Variants in BAZ2B observed in about 807,000 individuals in gnomAD.
BAZ2B encodes the protein bromodomain adjacent to zinc finger domain protein 2B.
In BAZ2B, 91 loss-of-function variants were observed where a neutral mutation model predicts 246.0. The observed-to-expected ratio is 0.37, with a 90% confidence interval of 0.31 to 0.44. The LOEUF (loss-of-function observed/expected upper bound fraction) is 0.44, where lower values mean the gene tolerates loss of function less well. Ranked by LOEUF, BAZ2B falls within the 20% of genes least tolerant of loss-of-function variation. The pLI is 1.00. For synonymous variants in BAZ2B, 855 were observed against 860.0 expected (o/e 0.99, Z 0.10); for missense variants, 2,332 against 2,533.7 (o/e 0.92, Z 1.71).
chr2:159,337,982 T>A (rs1201494477), intron 31 of BAZ2B, among the ~76,000 whole-genome samples: 1 of 152,224 alleles, frequency 6.6e-6, no homozygotes, highest in Non-Finnish European at 1.5e-5. Context: ...ATAAAATTTA[T>A]AAACTTTTGA....
chr2:159,659,365 T>C, the BAZ2B span, among the ~76,000 whole-genome samples: 1 of 152,178 alleles, frequency 6.6e-6, no homozygotes, highest in African/African-American at 2.4e-5. Flanking sequence ...TTTAGTGTCC[T>C]TTGTCTTTTT....
intron 1 of BAZ2B, among the ~76,000 whole-genome samples, chr2:159,594,356 G>GAGATC (rs1348999657): frequency 6.6e-6 from 1 of 152,090 alleles, no homozygotes; most frequent in Non-Finnish European, 1.5e-5. Flanking sequence ...GCAGTGAGCT[G>GAGATC]AGATCGCGCC....
chr2:159,434,429 G>A (rs1397071210), intron 8 of BAZ2B: 2 of 152,432 alleles, frequency 1.3e-5, no homozygotes, highest in Non-Finnish European at 2.9e-5. Context: ...AAAGTGCTGG[G>A]ATTACAGGCG....
chr2:159,473,296 G>A (rs964440625), intron 3 of BAZ2B, among the ~76,000 whole-genome samples: 1 of 152,144 alleles, frequency 6.6e-6, no homozygotes, highest in South Asian at 2.1e-4. Flanking sequence ...GTTTTGTCTT[G>A]GGAGGGTGTA....
chr2:159,359,224 G>C (rs2059426135), intron 27 of BAZ2B, among the ~76,000 whole-genome samples: 1 of 151,964 alleles, frequency 6.6e-6, no homozygotes, highest in Admixed American at 6.6e-5. Context: ...ACTAATAAAG[G>C]AGAAAAGAGA....
chr2:159,323,155 T>C (rs1401665610), intron 36 of BAZ2B, among the ~76,000 whole-genome samples: 1 of 151,998 alleles, frequency 6.6e-6, no homozygotes, highest in Non-Finnish European at 1.5e-5. Context: ...CAGCTAATTT[T>C]TGTACTTTTA....
chr2:159,451,788 T>C (rs1044342595), intron 4 of BAZ2B, among the ~76,000 whole-genome samples: 3 of 152,144 alleles, frequency 2.0e-5, no homozygotes, highest in Admixed American at 6.5e-5. Context: ...GTATCAACAT[T>C]ATTGAACTCC....
In BAZ2B at chr2:159,383,663, A is replaced by G. The variant is rs372294660; in HGVS notation, c.3704T>C (p.Ile1235Thr). Residue 1235 changes from isoleucine to threonine, a missense_variant, in exon 24 of 37, where the codon ATT (isoleucine) becomes ACT (threonine). Physicochemically the swap from Ile to Thr is moderately conservative, Grantham distance 89. Transcript: ENST00000392783. ...TCTCCTCAAGTTTGACATATAATCA[A>G]TGTTCTTGTCGATTTCACTGCCAAT... ...KSVVSEIDKN[I>T]DYMSNLRRDK... The G allele has an allele frequency of 3.2e-5, 51 of 1,611,214 alleles. No homozygotes were observed. The highest frequency in any genetic ancestry group is 3.9e-5 in the Non-Finnish European group (46 of 1,178,584).
intron 25 of BAZ2B, among the ~76,000 whole-genome samples, chr2:159,376,266 G>A (rs1037734431): frequency 5.3e-5 from 8 of 152,134 alleles, no homozygotes; most frequent in African/African-American, 7.2e-5. Flanking sequence ...ATAAGAAGAT[G>A]CAGGTACAGC....
chr2:159,671,089 G>A, the BAZ2B span, among the ~76,000 whole-genome samples: 2 of 152,128 alleles, frequency 1.3e-5, no homozygotes, highest in South Asian at 4.2e-4. Context: ...GTGTGTCTAG[G>A]CCTGCTTTTC....
chr2:159,509,077 A>G (rs1178198760), intron 2 of BAZ2B, among the ~76,000 whole-genome samples: 3 of 152,198 alleles, frequency 2.0e-5, no homozygotes, highest in African/African-American at 4.8e-5. Flanking sequence ...CAGAATTTAT[A>G]CTTGTAAGAG....
At chr2:159,468,243 C>A (rs191503999) in intron 3 of BAZ2B, among the ~76,000 whole-genome samples, 1 of 151,968 alleles carries the variant, frequency 6.6e-6, no homozygotes, top group Non-Finnish European at 1.5e-5. Context: ...GCAGGAAGTA[C>A]GAAGTGTCAC....
chr2:159,540,412 A>G (rs1276903430), intron 2 of BAZ2B, among the ~76,000 whole-genome samples: 1 of 152,188 alleles, frequency 6.6e-6, no homozygotes, highest in Non-Finnish European at 1.5e-5. Flanking sequence ...TAAATGAGAG[A>G]GATTGGCAGT....
At chr2:159,696,513 T>C in the BAZ2B span, among the ~76,000 whole-genome samples, 4 of 152,184 alleles carry the variant, frequency 2.6e-5, no homozygotes, top group Non-Finnish European at 5.9e-5. Context: ...TTTAAGTCCC[T>C]TCCCTGTAGT....
Position 159,528,737 on chromosome 2 carries a change from A to AAATCCTTTT in BAZ2B, c.-3+27077_-3+27085dup, listed in dbSNP as rs534101706. ...TTATGAAACAGCAATCGATTGTAGA[A>AAATCCTTTT]AATCCTTTTATTAACCTCTAGTTAA... is the stretch of plus-strand genomic sequence containing the variant. On this transcript the variant is annotated intron_variant, in intron 2 of 36. Transcript: ENST00000392783. Among the ~76,000 whole-genome samples, 22 of 152,052 alleles carry AAATCCTTTT rather than the reference A, an allele frequency of 1.4e-4. No homozygotes were observed. The East Asian group carries it at 3.7e-3, about 25-fold the overall frequency.
intron 26 of BAZ2B, among the ~76,000 whole-genome samples, chr2:159,374,211 A>T (rs2149422525): frequency 6.6e-6 from 1 of 151,988 alleles, no homozygotes; most frequent in South Asian, 2.1e-4. Context: ...CTGAAATGGA[A>T]TTTTTAACAA....
At chr2:159,545,685 A>T (rs546855706) in intron 2 of BAZ2B, among the ~76,000 whole-genome samples, 1 of 152,326 alleles carries the variant, frequency 6.6e-6, no homozygotes, top group African/African-American at 2.4e-5. Context: ...TGAAACTGCA[A>T]GGATGAATAA....
At chr2:159,324,746 AAAAAT>A in intron 36 of BAZ2B, 60 bp downstream of exon 36, 1 of 1,218,524 alleles carries the variant, frequency 8.2e-7, no homozygotes, top group Non-Finnish European at 1.1e-6. Flanking sequence ...TTGGCTCACT[AAAAAT>A]ATGCCTAGCA....
intron 20 of BAZ2B, among the ~76,000 whole-genome samples, chr2:159,395,210 A>G (rs1263152505): frequency 6.6e-6 from 1 of 152,198 alleles, no homozygotes; most frequent in Non-Finnish European, 1.5e-5. Context: ...AACTGTTTCA[A>G]TACAGAATGT....
Sources: allele counts gnomAD v4.1 joint callset (sites outside exome capture counted in the v4.1 genomes callset), GRCh38; gene constraint gnomAD v4.1.1; transcripts MANE v1.5; gene names NCBI Gene and HGNC (gene_info 2026-07-23, HGNC 2026-07-21).